PGCKA1: variants seen among roughly 807,000 people sequenced by gnomAD.
PGCKA1 encodes the protein PDCD10 and GCKIII kinases-associated protein 1.
the PGCKA1 span, among the ~76,000 whole-genome samples, chr4:37,535,467 G>A: frequency 6.6e-6 from 1 of 152,112 alleles, no homozygotes; most frequent in African/African-American, 2.4e-5. Context: ...GATGGAGTGG[G>A]GGGCCACAGT....
chr4:37,469,124 C>T, the PGCKA1 span, among the ~76,000 whole-genome samples: 2 of 152,232 alleles, frequency 1.3e-5, no homozygotes, highest in Non-Finnish European at 2.9e-5. Flanking sequence ...GATTTGTAGC[C>T]TAGGAGCAAC....
At chr4:37,556,585 G>C in the PGCKA1 span, among the ~76,000 whole-genome samples, 1 of 152,052 alleles carries the variant, frequency 6.6e-6, no homozygotes, top group Non-Finnish European at 1.5e-5. Context: ...TTTTTCATCC[G>C]ATATGATTCC....
chr4:37,529,006 G>C, the PGCKA1 span, among the ~76,000 whole-genome samples: 1 of 152,154 alleles, frequency 6.6e-6, no homozygotes, highest in Non-Finnish European at 1.5e-5. Context: ...CTCATGGTTA[G>C]AGATTTTAAC....
the PGCKA1 span, among the ~76,000 whole-genome samples, chr4:37,561,265 C>T: frequency 1.3e-5 from 2 of 152,162 alleles, no homozygotes; most frequent in Non-Finnish European, 2.9e-5. Flanking sequence ...CCTCCTCTGC[C>T]TAAGAGCAAA....
chr4:37,535,469 G>A, the PGCKA1 span, among the ~76,000 whole-genome samples: 2 of 152,084 alleles, frequency 1.3e-5, no homozygotes, highest in African/African-American at 4.8e-5. Context: ...TGGAGTGGGG[G>A]GCCACAGTGA....
At chr4:37,541,393 T>G in the PGCKA1 span, among the ~76,000 whole-genome samples, 2 of 152,178 alleles carry the variant, frequency 1.3e-5, no homozygotes, top group Non-Finnish European at 2.9e-5. Flanking sequence ...CTCTTTCCCT[T>G]TGCACAAAAA....
At chr4:37,459,082 A>G in the PGCKA1 span, among the ~76,000 whole-genome samples, 1 of 152,164 alleles carries the variant, frequency 6.6e-6, no homozygotes, top group African/African-American at 2.4e-5. Context: ...CTGCCTCCCT[A>G]CATAATGCTG....
the PGCKA1 span, among the ~76,000 whole-genome samples, chr4:37,478,327 A>G: frequency 4.6e-5 from 7 of 152,246 alleles, no homozygotes; most frequent in African/African-American, 1.7e-4. Context: ...TGATAAGGGA[A>G]ATGGTGCCCG....
chr4:37,489,505 T>C, the PGCKA1 span, among the ~76,000 whole-genome samples: 2 of 152,132 alleles, frequency 1.3e-5, no homozygotes, highest in Admixed American at 1.3e-4. Flanking sequence ...ACACATACAA[T>C]AATATAACAT....
At chr4:37,568,162 G>A in the PGCKA1 span, among the ~76,000 whole-genome samples, 21 of 152,326 alleles carry the variant, frequency 1.4e-4, no homozygotes, top group African/African-American at 4.6e-4. Flanking sequence ...GCCAGCCTTG[G>A]TAAAGGCTAG....
chr4:37,540,037 A>G, the PGCKA1 span, among the ~76,000 whole-genome samples: 1 of 152,214 alleles, frequency 6.6e-6, no homozygotes, highest in South Asian at 2.1e-4. Context: ...CACACAAGAA[A>G]AAGAAGTGGG....
At chr4:37,586,404 C>A in the PGCKA1 span, among the ~76,000 whole-genome samples, 1 of 152,100 alleles carries the variant, frequency 6.6e-6, no homozygotes, top group African/African-American at 2.4e-5. Flanking sequence ...GTCCTAAGTG[C>A]TGAGAATTAG....
chr4:37,505,478 GC>G, the PGCKA1 span, among the ~76,000 whole-genome samples: 1 of 152,108 alleles, frequency 6.6e-6, no homozygotes, highest in African/African-American at 2.4e-5. Flanking sequence ...TTTTCATGCT[GC>G]TGATAAAGAC....
the PGCKA1 span, among the ~76,000 whole-genome samples, chr4:37,472,963 G>C: frequency 6.6e-6 from 1 of 152,158 alleles, no homozygotes; most frequent in African/African-American, 2.4e-5. Context: ...CAGGTCAACT[G>C]GCAAGGTAAT....
chr4:37,537,673 G>A, the PGCKA1 span, among the ~76,000 whole-genome samples: 1 of 152,182 alleles, frequency 6.6e-6, no homozygotes, highest in South Asian at 2.1e-4. Flanking sequence ...GGAAGTCCAA[G>A]TTATTCAACT....
chr4:37,530,722 A>G, the PGCKA1 span, among the ~76,000 whole-genome samples: 3 of 152,036 alleles, frequency 2.0e-5, no homozygotes, highest in African/African-American at 7.2e-5. Context: ...CACGCCTGTA[A>G]GCCCAGCACT....
chr4:37,527,555 C>T, the PGCKA1 span, among the ~76,000 whole-genome samples: 1 of 151,844 alleles, frequency 6.6e-6, no homozygotes, highest in East Asian at 1.9e-4. Context: ...CATTGTGGCT[C>T]ACGCCTGTAA....
At chr4:37,569,986 T>TTC in the PGCKA1 span, among the ~76,000 whole-genome samples, 1 of 147,016 alleles carries the variant, frequency 6.8e-6, no homozygotes. Context: ...ATCCTTTTTT[T>TTC]TTTTTTTTTT....
chr4:37,571,988 G>A, the PGCKA1 span, among the ~76,000 whole-genome samples: 2 of 151,226 alleles, frequency 1.3e-5, no homozygotes, highest in South Asian at 2.1e-4. Flanking sequence ...CCCAGCCCAG[G>A]TTGTGACAGG....
Sources: gnomAD v4.1 joint callset for allele counts (sites outside exome capture counted in the v4.1 genomes callset) on GRCh38, gnomAD v4.1.1 for gene constraint, MANE v1.5 for transcripts, NCBI Gene and HGNC (gene_info 2026-07-23, HGNC 2026-07-21) for gene names.